The following TENM2 variants were observed in gnomAD, a reference collection of about 807,000 sequenced individuals.
TENM2 encodes the protein teneurin-2.
Under a neutral mutation model 245.2 loss-of-function variants are expected in TENM2, and 52 were observed. That is an observed-to-expected ratio of 0.21 (90% confidence interval 0.17 to 0.27). The LOEUF is 0.27. Ranked by LOEUF, TENM2 falls within the 10% of genes least tolerant of loss-of-function variation. The pLI is 1.00. For missense variants in TENM2, 3,046 were observed against 3,666.8 expected (o/e 0.83, Z 4.37); for synonymous variants, 1,363 against 1,438.9 (o/e 0.95, Z 1.19).
chr5:167,435,455 T>C (rs529855610), intron 2 of TENM2, among the ~76,000 whole-genome samples: 2 of 152,310 alleles, frequency 1.3e-5, no homozygotes, highest in South Asian at 4.1e-4. Context: ...AGATGTGCCT[T>C]TCACCTTCTG....
At chr5:167,707,423 A>G (rs769662565) in intron 2 of TENM2, among the ~76,000 whole-genome samples, 25 of 152,132 alleles carry the variant, frequency 1.6e-4, no homozygotes, top group Non-Finnish European at 3.4e-4. Flanking sequence ...TTAGTCTGAT[A>G]TAATTTGACT....
intron 1 of TENM2, among the ~76,000 whole-genome samples, chr5:167,295,201 C>A (rs370982412): frequency 6.6e-6 from 1 of 152,182 alleles, no homozygotes; most frequent in Non-Finnish European, 1.5e-5. Flanking sequence ...GAAACAGACT[C>A]TACTTAGAAA....
intron 2 of TENM2, among the ~76,000 whole-genome samples, chr5:167,458,268 C>G (rs1404113116): frequency 6.9e-6 from 1 of 145,356 alleles, no homozygotes; most frequent in Non-Finnish European, 1.6e-5. Flanking sequence ...AGGTGGATCA[C>G]CTGAGATCAG....
the TENM2 span, among the ~76,000 whole-genome samples, chr5:167,237,483 A>G: frequency 6.6e-6 from 1 of 152,184 alleles, no homozygotes; most frequent in South Asian, 2.1e-4. Flanking sequence ...TGTCATGTAC[A>G]TTATTGGTAA....
chr5:168,216,300 A>G (rs546826157), intron 21 of TENM2, among the ~76,000 whole-genome samples: 32 of 152,220 alleles, frequency 2.1e-4, no homozygotes, highest in Non-Finnish European at 2.5e-4. Flanking sequence ...TACTTCCTGA[A>G]GCATACACCT....
At chr5:167,631,452 A>G (rs1460632883) in intron 2 of TENM2, among the ~76,000 whole-genome samples, 1 of 152,162 alleles carries the variant, frequency 6.6e-6, no homozygotes, top group Non-Finnish European at 1.5e-5. Context: ...GTCCAGAAAT[A>G]GAAGTTGGAT....
chr5:167,662,168 T>C (rs944510014), intron 2 of TENM2, among the ~76,000 whole-genome samples: 1 of 152,178 alleles, frequency 6.6e-6, no homozygotes, highest in African/African-American at 2.4e-5. Flanking sequence ...CCATTGTATT[T>C]ATTTTTTAAA....
At chr5:167,496,622 C>T (rs936138802) in intron 2 of TENM2, among the ~76,000 whole-genome samples, 3 of 152,024 alleles carry the variant, frequency 2.0e-5, no homozygotes, top group Non-Finnish European at 4.4e-5. Context: ...ATTACAATGC[C>T]GCTTTCTGAT....
At chr5:167,930,519 G>A (rs1778195922) in intron 3 of TENM2, among the ~76,000 whole-genome samples, 2 of 151,876 alleles carry the variant, frequency 1.3e-5, no homozygotes, top group Non-Finnish European at 2.9e-5. Flanking sequence ...CTGTTGCACA[G>A]GCTGGAGTGC....
At chr5:167,714,328 C>T (rs1316491943) in intron 2 of TENM2, among the ~76,000 whole-genome samples, 1 of 152,202 alleles carries the variant, frequency 6.6e-6, no homozygotes, top group African/African-American at 2.4e-5. Context: ...CAAGAAGTCG[C>T]ATGGATTGGG....
intron 2 of TENM2, among the ~76,000 whole-genome samples, chr5:167,705,339 T>A (rs1758431626): frequency 6.6e-6 from 1 of 152,164 alleles, no homozygotes; most frequent in African/African-American, 2.4e-5. Flanking sequence ...ATTATCAAGA[T>A]CTTGACTTCT....
At chr5:167,190,426 T>C in the TENM2 span, among the ~76,000 whole-genome samples, 8 of 151,998 alleles carry the variant, frequency 5.3e-5, no homozygotes, top group African/African-American at 1.9e-4. Context: ...AGCAAAGGTG[T>C]AGTGAGAGAG....
chr5:166,992,109 T>C, the TENM2 span, among the ~76,000 whole-genome samples: 1 of 152,202 alleles, frequency 6.6e-6, no homozygotes, highest in East Asian at 1.9e-4. Context: ...GTTACAACTT[T>C]TAAAATGTAA....
chr5:167,506,147 C>CA (rs1420174817), intron 2 of TENM2, among the ~76,000 whole-genome samples: 3 of 151,994 alleles, frequency 2.0e-5, no homozygotes, highest in African/African-American at 7.2e-5. Flanking sequence ...ATGGAAGTAC[C>CA]AAAAAAATGC....
chr5:167,444,298 T>TACACACACACACAC lies in TENM2; in HGVS notation c.502+68835_502+68848dup, dbSNP rs140953889. ...TTATGCACACATGCACACATACACATACACACACACACACACACACACAAT... is the reference window on the plus strand; with the variant it reads ...TTATGCACACATGCACACATACACATACACACACACACACACACACACACACACACACACACAAT... On this transcript the variant is annotated intron_variant, in intron 2 of 28. Transcript: ENST00000518659. 2.1e-4 allele frequency among the ~76,000 whole-genome samples: 32 copies of TACACACACACACAC among 150,498 alleles called. 1 individual carries two copies. Among genetic ancestry groups the TACACACACACACAC allele is most frequent in the East Asian group, 1.2e-3 (6 of 5,076 alleles).
chr5:167,316,697 C>A (rs1030191), intron 1 of TENM2, among the ~76,000 whole-genome samples: 86,997 of 151,958 alleles, frequency 0.57, 25,013 homozygotes, highest in Admixed American at 0.62. Flanking sequence ...AGGATATTCC[C>A]TTGAGTACAA....
chr5:167,070,366 T>G, the TENM2 span, among the ~76,000 whole-genome samples: 1 of 148,332 alleles, frequency 6.7e-6, no homozygotes, highest in Non-Finnish European at 1.5e-5. Flanking sequence ...CCTGACCTCA[T>G]GATCCCCCCA....
intron 2 of TENM2, among the ~76,000 whole-genome samples, chr5:167,828,828 T>C (rs1768208732): frequency 6.6e-6 from 1 of 152,156 alleles, no homozygotes; most frequent in African/African-American, 2.4e-5. Context: ...AGGTTGGGAA[T>C]TGATGATTAA....
At chr5:167,729,150 TTGTA>T (rs1414497097) in intron 2 of TENM2, 2 of 152,194 alleles carry the variant, frequency 1.3e-5, no homozygotes, top group African/African-American at 4.8e-5. Context: ...ATAAGTAGCT[TTGTA>T]ATATTCCTAG....
Sources: gnomAD v4.1 joint callset for allele counts (sites outside exome capture counted in the v4.1 genomes callset) on GRCh38, gnomAD v4.1.1 for gene constraint, MANE v1.5 for transcripts, NCBI Gene and HGNC (gene_info 2026-07-23, HGNC 2026-07-21) for gene names.